SP140: variants seen among roughly 807,000 people sequenced by gnomAD.
SP140 encodes the protein SP140 nuclear body protein.
In SP140, 81 loss-of-function variants were observed where a neutral mutation model predicts 125.0. The ratio of observed to expected loss-of-function variants is 0.65; its 90% confidence interval spans 0.54 to 0.78. The LOEUF (loss-of-function observed/expected upper bound fraction) is 0.78, where lower values mean the gene tolerates loss of function less well. SP140 is among the 30% of genes least tolerant of loss of function. The pLI is 0.00. For synonymous variants in SP140, 312 were observed against 354.0 expected (o/e 0.88, Z 1.33); for missense variants, 858 against 1,037.0 (o/e 0.83, Z 2.37).
At chr2:230,202,448 AC>A, upstream of SP140, 1 of 802,122 alleles carries the variant, frequency 1.2e-6, no homozygotes. Context: ...CTCTTGTTAT[AC>A]CCCATCCTCA....
At chr2:230,308,570 C>T (rs565273406) in intron 22 of SP140, among the ~76,000 whole-genome samples, 9 of 152,188 alleles carry the variant, frequency 5.9e-5, no homozygotes, top group South Asian at 4.1e-4. Flanking sequence ...TCCCACGCCA[C>T]GCAGGGCCAC....
chr2:230,246,534 T>G (rs555849150), intron 7 of SP140, among the ~76,000 whole-genome samples: 1 of 152,300 alleles, frequency 6.6e-6, no homozygotes, highest in African/African-American at 2.4e-5. Flanking sequence ...GAAAACTCAG[T>G]GAAAGACTGT....
At chr2:230,295,773 GAT>G (rs1453263355) in intron 21 of SP140, among the ~76,000 whole-genome samples, 1 of 152,210 alleles carries the variant, frequency 6.6e-6, no homozygotes, top group African/African-American at 2.4e-5. Flanking sequence ...TGGCACCTGA[GAT>G]ATTGTAAAGC....
intron 1 of SP140, among the ~76,000 whole-genome samples, chr2:230,236,127 G>A (rs2047979034): frequency 6.6e-6 from 1 of 151,952 alleles, no homozygotes; most frequent in Non-Finnish European, 1.5e-5. Flanking sequence ...CGCCTGTCTC[G>A]GCCTCCCAAA....
At chr2:230,213,079 T>TG in intron 1 of SP140, 1 of 1,587,562 alleles carries the variant, frequency 6.3e-7, no homozygotes, top group Non-Finnish European at 8.6e-7. Context: ...CAGAATTACT[T>TG]GGGGAAGGGG....
intron 15 of SP140, among the ~76,000 whole-genome samples, chr2:230,275,869 T>C (rs2054637416): frequency 6.6e-6 from 1 of 152,118 alleles, no homozygotes; most frequent in Non-Finnish European, 1.5e-5. Context: ...GTATGAGTGG[T>C]CTGGATAGAA....
the SP140 span, among the ~76,000 whole-genome samples, chr2:230,195,379 G>A: frequency 6.6e-6 from 1 of 152,112 alleles, no homozygotes; most frequent in South Asian, 2.1e-4. Flanking sequence ...CTGTTATGCA[G>A]GCTGGAGTGC....
At chr2:230,304,232 C>G (rs1267752740) in intron 22 of SP140, among the ~76,000 whole-genome samples, 1 of 152,028 alleles carries the variant, frequency 6.6e-6, no homozygotes, top group Non-Finnish European at 1.5e-5. Flanking sequence ...AACTACAAAA[C>G]ACTGCTGAAA....
chr2:230,215,346 T>C (rs1371062317), intron 3 of SP140, among the ~76,000 whole-genome samples: 1 of 152,192 alleles, frequency 6.6e-6, no homozygotes, highest in Non-Finnish European at 1.5e-5. Flanking sequence ...ATAATTTAGC[T>C]TTCTTAAAGT....
intron 22 of SP140, among the ~76,000 whole-genome samples, chr2:230,309,386 C>A (rs190963937): frequency 6.6e-6 from 1 of 152,134 alleles, no homozygotes; most frequent in Non-Finnish European, 1.5e-5. Context: ...GGTCCTTCCC[C>A]CTCAGAGGTC....
chr2:230,267,496 A>AT (rs1039308244), intron 12 of SP140, among the ~76,000 whole-genome samples: 4 of 152,150 alleles, frequency 2.6e-5, no homozygotes, highest in African/African-American at 9.7e-5. Context: ...ACATTCAGTG[A>AT]TTTTTTTCTC....
At chr2:230,269,772 AG>A in intron 13 of SP140, 64 bp from the exon 14 acceptor site, 2 of 1,300,518 alleles carry the variant, frequency 1.5e-6, no homozygotes, top group South Asian at 1.2e-5. Flanking sequence ...GGGAGCAACA[AG>A]GGTGCAGAAA....
chr2:230,192,313 C>T, the SP140 span, among the ~76,000 whole-genome samples: 9 of 151,920 alleles, frequency 5.9e-5, no homozygotes, highest in South Asian at 2.1e-4. Flanking sequence ...AGAAATAAAG[C>T]GTATTCAAAT....
At chr2:230,194,064 G>A in the SP140 span, among the ~76,000 whole-genome samples, 3 of 152,232 alleles carry the variant, frequency 2.0e-5, no homozygotes, top group African/African-American at 4.8e-5. Context: ...AGGCCAGGGA[G>A]GGGAAGTGCA....
the SP140 span, among the ~76,000 whole-genome samples, chr2:230,195,432 C>T: frequency 6.6e-6 from 1 of 152,122 alleles, no homozygotes; most frequent in Non-Finnish European, 1.5e-5. Context: ...CATCCTGGGT[C>T]CAAGTGATTA....
intron 18 of SP140, 154 bp downstream of exon 18, chr2:230,288,120 T>C (rs1234578913): frequency 2.9e-6 from 2 of 688,342 alleles, no homozygotes; most frequent in Non-Finnish European, 4.6e-6. Flanking sequence ...TTTTCCAAAA[T>C]GTGTCAAGGA....
chr2:230,230,194 G>C (rs1246860138), intron 1 of SP140, among the ~76,000 whole-genome samples: 1 of 152,180 alleles, frequency 6.6e-6, no homozygotes, highest in Non-Finnish European at 1.5e-5. Context: ...TAGGCAGACA[G>C]GGGGCTGGGG....
chr2:230,245,325 G>T (rs185355773), intron 6 of SP140, among the ~76,000 whole-genome samples: 1 of 152,234 alleles, frequency 6.6e-6, no homozygotes, highest in Non-Finnish European at 1.5e-5. Context: ...GGCACCAAAT[G>T]GTGTTGCCTA....
intron 15 of SP140, among the ~76,000 whole-genome samples, chr2:230,278,246 T>C (rs919656788): frequency 4.1e-4 from 63 of 152,208 alleles, no homozygotes; most frequent in African/African-American, 1.5e-3. Flanking sequence ...TGTTGATTGC[T>C]TTTTTTATAA....
Sources: allele counts gnomAD v4.1 joint callset (sites outside exome capture counted in the v4.1 genomes callset), GRCh38; gene constraint gnomAD v4.1.1; transcripts MANE v1.5; gene names NCBI Gene and HGNC (gene_info 2026-07-23, HGNC 2026-07-21).